Variants in PPP1R21 observed in about 807,000 individuals in gnomAD.
The protein encoded by PPP1R21 is protein phosphatase 1 regulatory subunit 21, also known as KLRAQ motif containing 1.
In PPP1R21, 85 loss-of-function variants were observed where a neutral mutation model predicts 112.8. The ratio of observed to expected loss-of-function variants is 0.75; its 90% confidence interval spans 0.63 to 0.90. The LOEUF is 0.90. PPP1R21 is among the 40% of genes least tolerant of loss of function. PPP1R21 has a pLI of 0.00. For missense variants in PPP1R21, 1,199 were observed against 901.5 expected (o/e 1.33, Z -4.23); for synonymous variants, 381 against 322.3 (o/e 1.18, Z -1.95).
intron 9 of PPP1R21, among the ~76,000 whole-genome samples, chr2:48,468,316 A>G (rs1668294909): frequency 6.6e-6 from 1 of 152,148 alleles, no homozygotes; most frequent in Non-Finnish European, 1.5e-5. Flanking sequence ...TACACATAGG[A>G]AGCCATCATT....
chr2:48,493,654 A>G (rs1433534283), intron 15 of PPP1R21, among the ~76,000 whole-genome samples: 1 of 152,224 alleles, frequency 6.6e-6, no homozygotes, highest in Non-Finnish European at 1.5e-5. Flanking sequence ...TTATTCTGAT[A>G]TAAGATGTCA....
intron 9 of PPP1R21, among the ~76,000 whole-genome samples, chr2:48,467,817 T>C (rs192575449): frequency 2.6e-5 from 4 of 152,132 alleles, no homozygotes; most frequent in Non-Finnish European, 4.4e-5. Flanking sequence ...GTGGAGACAA[T>C]TGAAGCCATC....
At chr2:48,446,359 C>G (rs1667247528) in intron 1 of PPP1R21, among the ~76,000 whole-genome samples, 1 of 152,150 alleles carries the variant, frequency 6.6e-6, no homozygotes, top group Non-Finnish European at 1.5e-5. Context: ...TGTGATAGGC[C>G]TCACTGAAGT....
chr2:48,494,239 CAAAAAAAAAAAAAAAAAAAAAA>C (rs70943345), intron 15 of PPP1R21, among the ~76,000 whole-genome samples: 3 of 42,268 alleles, frequency 7.1e-5, no homozygotes, highest in East Asian at 2.1e-3. Context: ...GACCTTGTCT[CAAAAAAAAAAAAAAAAAAAAAA>C]AAAAAAAAAA....
chr2:48,510,270 T>C (rs965785007), intron 20 of PPP1R21, among the ~76,000 whole-genome samples, 157 bp downstream of exon 20: 4 of 152,250 alleles, frequency 2.6e-5, no homozygotes, highest in African/African-American at 7.2e-5. Context: ...ATCTTACTTA[T>C]GTTAGGCAAA....
chr2:48,505,404 T>A (rs1670328616), intron 17 of PPP1R21, among the ~76,000 whole-genome samples, 160 bp from the exon 18 acceptor site: 1 of 152,242 alleles, frequency 6.6e-6, no homozygotes, highest in African/African-American at 2.4e-5. Context: ...CAGCTACCTA[T>A]CTTCATGTCC....
At chr2:48,475,348 T>C (rs1379746990) in intron 12 of PPP1R21, among the ~76,000 whole-genome samples, 1 of 152,078 alleles carries the variant, frequency 6.6e-6, no homozygotes, top group Non-Finnish European at 1.5e-5. Flanking sequence ...GCAACACTGC[T>C]TCTGAAATAA....
chr2:48,514,397 A>G (rs749469860), intron 21 of PPP1R21, among the ~76,000 whole-genome samples: 34 of 152,118 alleles, frequency 2.2e-4, no homozygotes, highest in Non-Finnish European at 3.7e-4. Flanking sequence ...TTGAAATCTT[A>G]GACTCTCTTG....
chr2:48,475,179 C>T (rs1255001914), intron 12 of PPP1R21, among the ~76,000 whole-genome samples: 1 of 151,774 alleles, frequency 6.6e-6, no homozygotes, highest in Non-Finnish European at 1.5e-5. Flanking sequence ...ACAGGGAGAC[C>T]CCATCTCTAC....
chr2:48,476,029 C>T lies in PPP1R21; in HGVS notation c.1225+1210C>T, dbSNP rs150543052. On this transcript the variant is annotated intron_variant, in intron 12 of 21. Coordinates refer to ENST00000294952, the MANE Select transcript of PPP1R21 (RefSeq NM_001135629.3). Reference sequence around the variant, plus strand: ...TTTTTAGTATATTCACAGGAATGTGCATTGTCACTACAGTAAATTTTGGAA... The same window carrying T: ...TTTTTAGTATATTCACAGGAATGTGTATTGTCACTACAGTAAATTTTGGAA... Among the ~76,000 whole-genome samples the T allele has an allele frequency of 1.2e-3, 190 of 152,148 alleles. 3 individuals carry two copies. The East Asian group carries it at 0.026, about 21-fold the overall frequency.
chr2:48,488,856 A>G (rs1010362884), intron 14 of PPP1R21, among the ~76,000 whole-genome samples: 1 of 152,228 alleles, frequency 6.6e-6, no homozygotes, highest in African/African-American at 2.4e-5. Context: ...AAAGTGTAGT[A>G]TATTCATATT....
Position 48,471,109 on chromosome 2 carries a change from A to T in PPP1R21, c.920A>T (p.Asn307Ile). ...NQKFSQYLHE[N>I]ASYVRPLEEG... is the part of the protein sequence containing the mutation. ...TAGTTCTCACAATACCTTCATGAAAATGCGTCCTATGTCCGCCCTCTTGAG... is the reference window on the plus strand; with the variant it reads ...TAGTTCTCACAATACCTTCATGAAATTGCGTCCTATGTCCGCCCTCTTGAG... Residue 307 changes from asparagine (N) to isoleucine (I), a missense_variant, in exon 10 of 22, where the codon AAT becomes ATT. By Grantham distance (149) the Asn-to-Ile change is moderately radical. Transcript: ENST00000294952. 6.2e-7 allele frequency: 1 copy of T among 1,611,454 alleles called. No individual in the cohort carries two copies. The highest frequency in any genetic ancestry group is 8.5e-7 in the Non-Finnish European group (1 of 1,177,644).
intron 9 of PPP1R21, among the ~76,000 whole-genome samples, chr2:48,467,242 G>C (rs1668246809): frequency 6.6e-6 from 1 of 151,924 alleles, no homozygotes; most frequent in African/African-American, 2.4e-5. Context: ...GCCTTTTTTG[G>C]GCCATTAGAT....
chr2:48,490,905 C>T, intron 14 of PPP1R21, 113 bp from the exon 15 acceptor site: 1 of 877,174 alleles, frequency 1.1e-6, no homozygotes, highest in Non-Finnish European at 1.8e-6. Flanking sequence ...GTTGAAATTT[C>T]ATTTCCATTT....
chr2:48,464,080 G>A (rs900588709), intron 7 of PPP1R21, among the ~76,000 whole-genome samples: 5 of 152,192 alleles, frequency 3.3e-5, no homozygotes, highest in Non-Finnish European at 5.9e-5. Flanking sequence ...CTCGGGATTC[G>A]TGTTAGCAAA....
chr2:48,509,796 G>T (rs1170107163), intron 19 of PPP1R21, among the ~76,000 whole-genome samples: 1 of 152,162 alleles, frequency 6.6e-6, no homozygotes, highest in East Asian at 1.9e-4. Flanking sequence ...TCTTAAGTTG[G>T]TAGACTTTTT....
chr2:48,485,755 T>C (rs1276238916), intron 13 of PPP1R21, among the ~76,000 whole-genome samples: 1 of 151,200 alleles, frequency 6.6e-6, no homozygotes, highest in Non-Finnish European at 1.5e-5. Context: ...ATCTATAGTC[T>C]AAAACAATCA....
In PPP1R21 at chr2:48,486,765, C is replaced by G. The variant is rs772646334; in HGVS notation, c.1446+7C>G. On this transcript the variant is annotated splice_region_variant and intron_variant, in intron 14 of 21. Coordinates refer to ENST00000294952, the MANE Select transcript of PPP1R21 (RefSeq NM_001135629.3). Reference sequence around the variant, plus strand: ...AACAAATGGAGCAGGAAAGGTAATTCTCTTCTGGCGTATATTGATGTTAAA... The same window carrying G: ...AACAAATGGAGCAGGAAAGGTAATTGTCTTCTGGCGTATATTGATGTTAAA... The G allele has an allele frequency of 3.7e-6, 6 of 1,610,996 alleles. No individual in the cohort carries two copies. The East Asian group carries it at 1.1e-4, about 30-fold the overall frequency.
intron 9 of PPP1R21, among the ~76,000 whole-genome samples, chr2:48,467,711 G>A (rs901851101): frequency 2.0e-5 from 3 of 152,166 alleles, no homozygotes; most frequent in Non-Finnish European, 4.4e-5. Flanking sequence ...AGGTAGTCAC[G>A]TATCATCACT....
Sources: gnomAD v4.1 joint callset for allele counts (sites outside exome capture counted in the v4.1 genomes callset) on GRCh38, gnomAD v4.1.1 for gene constraint, MANE v1.5 for transcripts, NCBI Gene and HGNC (gene_info 2026-07-23, HGNC 2026-07-21) for gene names.